The following CA1 variants were observed in gnomAD, a reference collection of about 807,000 sequenced individuals.
CA1 encodes carbonate dehydratase I.
CA1 carries 27 observed loss-of-function variants against 28.8 expected under a neutral mutation model. The observed-to-expected ratio is 0.94, with a 90% CI of 0.69 to 1.29. The LOEUF (loss-of-function observed/expected upper bound fraction) is 1.29. Ranked by LOEUF, CA1 falls within the 50% of genes most tolerant of loss-of-function variation. The pLI is 0.00. For missense variants in CA1, 335 were observed against 310.5 expected (o/e 1.08, Z -0.59); for synonymous variants, 121 against 108.8 (o/e 1.11, Z -0.70).
chr8:85,339,646 A>T (rs1488479023), intron 2 of CA1, among the ~76,000 whole-genome samples: 1 of 152,246 alleles, frequency 6.6e-6, no homozygotes, highest in Non-Finnish European at 1.5e-5. Context: ...AAGAGTTGAG[A>T]CAGGCCAAAA....
chr8:85,354,051 C>A (rs1426252834), intron 1 of CA1, among the ~76,000 whole-genome samples: 1 of 148,178 alleles, frequency 6.7e-6, no homozygotes, highest in Non-Finnish European at 1.5e-5. Flanking sequence ...GCAACCTCTG[C>A]CTCCTGGGTT....
At chr8:85,351,077 T>C (rs1411450626) in intron 1 of CA1, among the ~76,000 whole-genome samples, 1 of 152,206 alleles carries the variant, frequency 6.6e-6, no homozygotes, top group Non-Finnish European at 1.5e-5. Context: ...CACTTTTTTA[T>C]CCACATTTAT....
chr8:85,361,020 G>T (rs1051835454), intron 1 of CA1, among the ~76,000 whole-genome samples: 1 of 152,164 alleles, frequency 6.6e-6, no homozygotes, highest in Admixed American at 6.5e-5. Flanking sequence ...TTCAGGAAAT[G>T]CACCTTTTCC....
At chr8:85,336,110 T>G (rs1386445421) in intron 4 of CA1, among the ~76,000 whole-genome samples, 2 of 152,156 alleles carry the variant, frequency 1.3e-5, no homozygotes, top group Non-Finnish European at 2.9e-5. Context: ...TTCTGATGCA[T>G]TCACCCAAAT....
At chr8:85,344,222 A>ATATAATATATAATTATATAT in intron 1 of CA1, among the ~76,000 whole-genome samples, 1 of 36,742 alleles carries the variant, frequency 2.7e-5, no homozygotes, top group African/African-American at 2.4e-4. Flanking sequence ...TAATTATATT[A>ATATAATATATAATTATATAT]TATACAGTAT....
intron 1 of CA1, among the ~76,000 whole-genome samples, chr8:85,374,767 A>G (rs1380093434): frequency 2.6e-5 from 4 of 152,190 alleles, no homozygotes; most frequent in South Asian, 2.1e-4. Context: ...TCACTTTTCA[A>G]TATGACTTCT....
intron 1 of CA1, among the ~76,000 whole-genome samples, chr8:85,354,548 T>C (rs376073934): frequency 6.6e-5 from 10 of 152,184 alleles, no homozygotes; most frequent in East Asian, 3.9e-4. Context: ...GCAAATAGCT[T>C]ATAGAACAAG....
At chr8:85,347,926 C>G (rs1809263245) in intron 1 of CA1, among the ~76,000 whole-genome samples, 2 of 152,122 alleles carry the variant, frequency 1.3e-5, no homozygotes, top group African/African-American at 2.4e-5. Flanking sequence ...ATTATATGAA[C>G]AAAAGTTATT....
chr8:85,355,549 C>CTTTTTTTTTTTT (rs11353842), intron 1 of CA1, among the ~76,000 whole-genome samples: 3 of 108,700 alleles, frequency 2.8e-5, no homozygotes, highest in Non-Finnish European at 3.7e-5. Context: ...TGTCTAGTTC[C>CTTTTTTTTTTTT]TTTTTTTTTT....
intron 1 of CA1, among the ~76,000 whole-genome samples, chr8:85,355,929 T>G (rs1005339115): frequency 7.2e-5 from 11 of 152,112 alleles, no homozygotes; most frequent in African/African-American, 2.4e-4. Flanking sequence ...TAGCATTTAA[T>G]CCTTCTAGTA....
At chr8:85,353,626 C>CT (rs1412575661) in intron 1 of CA1, among the ~76,000 whole-genome samples, 2 of 151,808 alleles carry the variant, frequency 1.3e-5, no homozygotes, top group Non-Finnish European at 2.9e-5. Context: ...TTTTGTTTTA[C>CT]TTTTTTTCCT....
intron 1 of CA1, among the ~76,000 whole-genome samples, chr8:85,352,112 T>C (rs1809432781): frequency 6.6e-6 from 1 of 152,220 alleles, no homozygotes; most frequent in South Asian, 2.1e-4. Context: ...ATATTACCAT[T>C]AATGTCACCA....
At chr8:85,356,708 A>G (rs909414288) in intron 1 of CA1, among the ~76,000 whole-genome samples, 1 of 152,202 alleles carries the variant, frequency 6.6e-6, no homozygotes. Context: ...TTCTGCAAGA[A>G]GAGATAACTC....
intron 3 of CA1, 82 bp from the exon 4 acceptor site, chr8:85,337,145 A>C (rs995869928): frequency 6.1e-6 from 5 of 823,792 alleles, no homozygotes; most frequent in Non-Finnish European, 1.1e-5. Flanking sequence ...ACCAACACTA[A>C]ATTGTATTGA....
chr8:85,347,106 T>C (rs1809222542), intron 1 of CA1, among the ~76,000 whole-genome samples: 1 of 152,230 alleles, frequency 6.6e-6, no homozygotes, highest in African/African-American at 2.4e-5. Context: ...TAAAAAAACA[T>C]GTCTTCTTAC....
intron 1 of CA1, among the ~76,000 whole-genome samples, chr8:85,344,308 A>G (rs1809087945): frequency 5.0e-5 from 1 of 20,122 alleles, no homozygotes; most frequent in African/African-American, 1.5e-4. Flanking sequence ...ATATAATTAT[A>G]TATTATACAG....
intron 1 of CA1, among the ~76,000 whole-genome samples, chr8:85,348,881 T>A (rs1209368908): frequency 1.3e-5 from 2 of 152,180 alleles, no homozygotes; most frequent in African/African-American, 4.8e-5. Flanking sequence ...CTACTACTAA[T>A]AGAAAACTTT....
At chr8:85,359,750 G>A (rs373053498) in intron 1 of CA1, among the ~76,000 whole-genome samples, 1 of 152,336 alleles carries the variant, frequency 6.6e-6, no homozygotes, top group East Asian at 1.9e-4. Flanking sequence ...TGATAACTTG[G>A]TAGGTATTAT....
intron 1 of CA1, among the ~76,000 whole-genome samples, chr8:85,345,322 A>G (rs1809134494): frequency 6.6e-6 from 1 of 152,206 alleles, no homozygotes; most frequent in Admixed American, 6.5e-5. Context: ...CTGCTTAGAA[A>G]TGACTTTCCT....
Sources: allele counts gnomAD v4.1 joint callset (sites outside exome capture counted in the v4.1 genomes callset), GRCh38; gene constraint gnomAD v4.1.1; transcripts MANE v1.5; gene names NCBI Gene and HGNC (gene_info 2026-07-23, HGNC 2026-07-21).